The following ADAMTS10 variants were observed in gnomAD, a reference collection of about 807,000 sequenced individuals.
ADAMTS10 encodes A disintegrin and metalloproteinase with thrombospondin motifs 10.
A neutral mutation model predicts 135.9 loss-of-function variants in ADAMTS10; 48 were observed. That is an observed-to-expected ratio of 0.35 (90% CI 0.28 to 0.45). The LOEUF (loss-of-function observed/expected upper bound fraction) is 0.45, where lower values mean the gene tolerates loss of function less well. Among genes scored for constraint, ADAMTS10 ranks in the 20% least tolerant of loss-of-function variants. The pLI, the probability that ADAMTS10 is intolerant of heterozygous loss-of-function variation, is 1.00. For synonymous variants in ADAMTS10, 621 were observed against 647.5 expected, an observed-to-expected ratio of 0.96 and a Z score of 0.62; for missense variants, 1,131 against 1,565.2, an observed-to-expected ratio of 0.72 and a Z score of 4.68.
At chr19:8,606,104 AG>A (rs1555742571) in intron 2 of ADAMTS10, among the ~76,000 whole-genome samples, 1 of 152,224 alleles carries the variant, frequency 6.6e-6, no homozygotes, top group Admixed American at 6.5e-5. Context: ...TCTGTCACCT[AG>A]GATGGAGTGC....
chr19:8,589,652 G>T lies in ADAMTS10; in HGVS notation c.1901-67C>A, dbSNP rs1465747957. On this transcript the variant is annotated intron_variant, in intron 16 of 25. Transcript: ENST00000597188. ...CGGAACTCTTTGCTTGCTCCCTGGG[G>T]GAGTGAGGCCAAGAGGGACAGACCC... 3.1e-6 allele frequency: 5 copies of T among 1,604,612 alleles called. No homozygotes were observed. In the African/African-American group the frequency reaches 6.7e-5, roughly 21 times the overall value.
At chr19:8,593,264 T>G in intron 12 of ADAMTS10, 1 of 235,132 alleles carries the variant, frequency 4.3e-6, no homozygotes, top group Non-Finnish European at 8.7e-6. Flanking sequence ...GCCTTCTGAG[T>G]TTCTGGAAGG....
intron 17 of ADAMTS10, 31 bp downstream of exon 17, chr19:8,589,421 C>T (rs1170192474): frequency 8.7e-6 from 14 of 1,612,540 alleles, no homozygotes; most frequent in Non-Finnish European, 1.0e-5. Flanking sequence ...GCTCCCCATC[C>T]CCTCTCCACC....
Position 8,605,934 on chromosome 19 carries a change from G to T in ADAMTS10, c.-99-125C>A. The T allele has an allele frequency of 1.1e-6, 1 of 918,094 alleles. No homozygotes were observed. Among genetic ancestry groups the T allele is most frequent in the South Asian group, 1.8e-5 (1 of 56,366 alleles). The allele number at this position is 918,094 out of a possible 1,614,324, so 56.9% of individuals were successfully genotyped here. A position where few individuals can be genotyped will look rare whatever the true frequency, so the allele number is the denominator to read the frequency against. On this transcript the variant is annotated intron_variant, in intron 2 of 25. Transcript: ENST00000597188. This position sits in a 1 kb window ranked among gnomAD's most constrained non-coding sequence, Gnocchi z 7.7. ...GATTCTGAATGCATTTTCTCACTCA[G>T]TCACTCCCCTCTCCCCACCTCCCCT...
intron 6 of ADAMTS10, among the ~76,000 whole-genome samples, chr19:8,599,069 G>T (rs1555740905): frequency 6.6e-6 from 1 of 151,996 alleles, no homozygotes; most frequent in Non-Finnish European, 1.5e-5. Flanking sequence ...AGCCTACCTG[G>T]CTTCCCTTCC....
At position 8,603,710 on chromosome 19, in the gene ADAMTS10, C is replaced by T. The variant is rs201104806; in HGVS notation, c.592+18G>A. 49 of 1,613,942 alleles carry T rather than the reference C, an allele frequency of 3.0e-5. No individual in the cohort carries two copies. Among genetic ancestry groups the T allele is most frequent in the Admixed American group, 5.0e-5 (3 of 59,986 alleles). ...ATACTGTGTAGCCCTCTGCCCATCCCCAGAAAGACCGATGTACCTCTCACT... is the reference window on the plus strand; with the variant it reads ...ATACTGTGTAGCCCTCTGCCCATCCTCAGAAAGACCGATGTACCTCTCACT... On this transcript the variant is annotated intron_variant, in intron 5 of 25. Coordinates refer to ENST00000597188, the MANE Select transcript of ADAMTS10 (RefSeq NM_030957.4).
Position 8,605,266 on chromosome 19 carries a change from G to C in ADAMTS10, c.181C>G (p.Pro61Ala). ...GALLAFSPPP[P>A]RRQRRGTGAT... ...CCCGTGCCGCGGCGCTGCCTCCGGG[G>C]AGGAGGTGGCGAGAAGGCCAGCAGT... Residue 61 changes from proline (P) to alanine (A), a missense_variant, in exon 4 of 26, where the codon CCC becomes GCC. This residue lies in a region of ADAMTS10 where 306 missense variants were observed against 344.4 expected (regional missense o/e 0.89). Transcript: ENST00000597188. The surrounding 1 kb of genome is among the most constrained non-coding windows in gnomAD (Gnocchi z 7.7). The C allele has an allele frequency of 3.1e-6, 5 of 1,612,996 alleles. No homozygotes were observed. The highest frequency in any genetic ancestry group is 2.2e-5 in the East Asian group (1 of 44,852).
chr19:8,600,733 T>G (rs147592386), intron 6 of ADAMTS10, among the ~76,000 whole-genome samples, 195 bp downstream of exon 6: 4 of 151,878 alleles, frequency 2.6e-5, no homozygotes, highest in Admixed American at 6.6e-5. Flanking sequence ...CTCCTGACCT[T>G]GTGATCTGCC....
intron 25 of ADAMTS10, chr19:8,581,242 G>A (rs1243456624): frequency 3.2e-5 from 10 of 312,632 alleles, no homozygotes; most frequent in Admixed American, 5.6e-5. Context: ...CTCCTAAGTA[G>A]TTGGGACTAC....
intron 6 of ADAMTS10, among the ~76,000 whole-genome samples, chr19:8,598,554 A>G (rs184554521): frequency 9.4e-4 from 136 of 144,030 alleles, no homozygotes; most frequent in Non-Finnish European, 6.7e-4. Flanking sequence ...CCCCGTCTGG[A>G]AATCCCCAGA....
At chr19:8,582,928 G>A (rs2042373471) in intron 25 of ADAMTS10, among the ~76,000 whole-genome samples, 2 of 152,156 alleles carry the variant, frequency 1.3e-5, no homozygotes, top group South Asian at 4.1e-4. Flanking sequence ...GGGATTACAG[G>A]CGTGAGCCAC....
rs782467411 is a variant in ADAMTS10, at chr19:8,601,084, C to T, written c.654G>A (p.Arg218=). ...CACGCTCTGTTTCATTCCCCAGGGG[C>T]CTGGCAGGCGGTGGCTTCAAGGTCC... is the stretch of plus-strand genomic sequence containing the variant. The part of the protein sequence containing the change: ...WLRTLKPPPA[R]PLGNETERGQ... The change falls in exon 6 of 26, where the codon AGG becomes AGA. Residue 218 remains arginine (R), a synonymous_variant. Transcript: ENST00000597188. The surrounding 1 kb of genome is among the most constrained non-coding windows in gnomAD (Gnocchi z 4.6). 1.2e-6 allele frequency: 2 copies of T among 1,614,128 alleles called. No individual in the cohort carries two copies. The highest frequency in any genetic ancestry group is 1.7e-6 in the Non-Finnish European group (2 of 1,180,048).
chr19:8,592,859 G>T lies in ADAMTS10; in HGVS notation c.1491C>A (p.Ser497Arg). The stretch of plus-strand genomic sequence containing the variant: ...TGCTCTTGCTCAGACACCACAGCTC[G>T]CTGCAGACCTCCTGCGGGCCGAGGT... ...SRQCKYGEVC[S>R]ELWCLSKSNR... is the part of the protein sequence containing the mutation. Residue 497 changes from serine (S) to arginine (R), a missense_variant, in exon 13 of 26, where the codon AGC becomes AGA. Ser to Arg is a moderately radical substitution (Grantham distance 110). Around this residue, in one of 3 missense-constraint regions of ADAMTS10, gnomAD observed 745 missense variants for 1,056.3 expected, o/e 0.71. Transcript: ENST00000597188. 1.2e-6 allele frequency: 2 copies of T among 1,611,790 alleles called. No homozygotes were observed. The highest frequency in any genetic ancestry group is 1.7e-6 in the Non-Finnish European group (2 of 1,179,788).
rs2146064337 is a variant in ADAMTS10, at chr19:8,591,804, G to A, written c.1793C>T (p.Thr598Met). The change falls in exon 15 of 26, where the codon ACG becomes ATG. Residue 598 changes from threonine (T) to methionine (M), a missense_variant. By Grantham distance (81) the Thr-to-Met change is moderately conservative. This residue lies in a region of ADAMTS10 where 745 missense variants were observed against 1,056.3 expected (regional missense o/e 0.71). Coordinates refer to ENST00000597188, the MANE Select transcript of ADAMTS10 (RefSeq NM_030957.4). ...AAGGGGTTTGGGGGAACTCACATCC[G>A]TGTTGCAGGAGCGGTGCCGCCTTCT... Reference protein sequence around the residue: ...GERRRHRSCNTDDCPPGSQDF... With the variant: ...GERRRHRSCNMDDCPPGSQDF... 6.2e-7 allele frequency: 1 copy of A among 1,613,812 alleles called. No individual in the cohort carries two copies. Among genetic ancestry groups the A allele is most frequent in the South Asian group, 1.1e-5 (1 of 91,080 alleles).
In ADAMTS10 at chr19:8,605,123, T is replaced by C. The variant is rs782413448; in HGVS notation, c.324A>G (p.Thr108=). 5 of 1,613,448 alleles carry C rather than the reference T, an allele frequency of 3.1e-6. No homozygotes were observed. Among genetic ancestry groups the C allele is most frequent in the Non-Finnish European group, 4.2e-6 (5 of 1,179,858 alleles). The change falls in exon 4 of 26, where the codon ACA becomes ACG. Residue 108 remains threonine, a synonymous_variant. Transcript: ENST00000597188. The surrounding 1 kb of genome is among the most constrained non-coding windows in gnomAD (Gnocchi z 7.7). The stretch of plus-strand genomic sequence containing the variant: ...CCCTCTGCCAGGCCAGGCCCTCCCG[T>C]GTCCAGTACTCCACGGAGACGTGCC... The part of the protein sequence containing the change: ...LAGHVSVEYW[T]REGLAWQRAA...
At chr19:8,604,847 T>A (rs2042702163) in intron 4 of ADAMTS10, 165 bp downstream of exon 4, 1 of 765,032 alleles carries the variant, frequency 1.3e-6, no homozygotes, top group Non-Finnish European at 2.1e-6. Flanking sequence ...GGCTATACAT[T>A]TTCCTTTAAG....
At position 8,585,613 on chromosome 19, in the gene ADAMTS10, C is replaced by T; in HGVS notation, c.2708G>A (p.Gly903Asp). Residue 903 changes from glycine (G) to aspartate (D), a missense_variant, in exon 23 of 26, where the codon GGC becomes GAC. By Grantham distance (94) the Gly-to-Asp change is moderately conservative. Transcript: ENST00000597188. ...GCACACGACCGAGCGGCTGCGCACG[C>T]CTGCATCGCAGCTGCGGCTGCAGAG... ...WSLCSRSCDAGVRSRSVVCQR... is the reference protein window; with the variant it reads ...WSLCSRSCDADVRSRSVVCQR... 1 of 1,611,702 alleles carries T rather than the reference C, an allele frequency of 6.2e-7. No individual in the cohort carries two copies. The highest frequency in any genetic ancestry group is 1.1e-5 in the South Asian group (1 of 91,002).
rs370636862 is a variant in ADAMTS10, at chr19:8,605,263, G to C, written c.184C>G (p.Arg62Gly). 2.8e-5 allele frequency: 45 copies of C among 1,612,734 alleles called. 1 individual carries two copies. The South Asian group carries it at 2.9e-4, about 10-fold the overall frequency. Residue 62 changes from arginine (R) to glycine (G), a missense_variant, in exon 4 of 26, where the codon CGG becomes GGG. Arg to Gly is a moderately radical substitution (Grantham distance 125, BLOSUM62 -2). Transcript: ENST00000597188. The surrounding 1 kb of genome is among the most constrained non-coding windows in gnomAD (Gnocchi z 7.7). ...GCCCCCGTGCCGCGGCGCTGCCTCCGGGGAGGAGGTGGCGAGAAGGCCAGC... is the reference window on the plus strand; with the variant it reads ...GCCCCCGTGCCGCGGCGCTGCCTCCCGGGAGGAGGTGGCGAGAAGGCCAGC... ...ALLAFSPPPP[R>G]RQRRGTGATA...
Position 8,580,572 on chromosome 19 carries a change from G to A in ADAMTS10, c.*321C>T, listed in dbSNP as rs897255913. The A allele has an allele frequency of 3.2e-5, 11 of 340,084 alleles. No homozygotes were observed. The highest frequency in any genetic ancestry group is 1.5e-4 in the South Asian group (6 of 39,948). 21.1% of individuals were successfully genotyped at this position (340,084 alleles called of 1,614,324 possible). ...ACAGTACATATTCCGATCAAAGGAG[G>A]GGGGGAGTGTTGGGGACTCCCTAAG... On this transcript the variant is annotated 3_prime_UTR_variant, in exon 26 of 26. Transcript: ENST00000597188.
Sources: allele counts gnomAD v4.1 joint callset (sites outside exome capture counted in the v4.1 genomes callset), GRCh38; gene constraint gnomAD v4.1.1; regional missense constraint gnomAD v4.1.1; non-coding constraint Gnocchi (gnomAD v3.1); transcripts MANE v1.5; gene names NCBI Gene and HGNC (gene_info 2026-07-23, HGNC 2026-07-21).